The following HERC2 variants were observed in gnomAD, a reference collection of about 807,000 sequenced individuals.
HERC2 encodes the protein E3 ubiquitin-protein ligase HERC2.
Under a neutral mutation model 537.7 loss-of-function variants are expected in HERC2, and 102 were observed. The ratio of observed to expected loss-of-function variants is 0.19; its 90% confidence interval spans 0.16 to 0.22. The LOEUF is 0.22. Among genes scored for constraint, HERC2 ranks in the 10% least tolerant of loss-of-function variants. HERC2 has a pLI of 1.00. For missense variants in HERC2, 4,236 were observed against 6,198.2 expected (o/e 0.68, Z 10.63); for synonymous variants, 2,224 against 2,466.2 (o/e 0.90, Z 2.91).
chr15:28,172,068 C>T (rs1323180728), intron 65 of HERC2, among the ~76,000 whole-genome samples: 1 of 144,826 alleles, frequency 6.9e-6, no homozygotes, highest in Admixed American at 6.9e-5. Flanking sequence ...AGCGAGACTC[C>T]GTCTCAAAAA....
In HERC2 at chr15:28,111,907, G is replaced by A. The variant is rs775998969; in HGVS notation, c.14361C>T (p.Phe4787=). Residue 4787 remains phenylalanine, a synonymous_variant, in exon 93 of 93, where the codon TTC becomes TTT. Coordinates refer to ENST00000261609, the MANE Select transcript of HERC2 (RefSeq NM_004667.6). ...LEEKLKYAIH[F]CKSIDTDDYA... Reference sequence around the variant, plus strand: ...AGTCATCTGTGTCTATGGACTTGCAGAAGTGGATGGCGTACTTGAGCTTCT... The same window carrying A: ...AGTCATCTGTGTCTATGGACTTGCAAAAGTGGATGGCGTACTTGAGCTTCT... 3 of 1,614,222 alleles carry A rather than the reference G, an allele frequency of 1.9e-6. No individual in the cohort carries two copies. The Admixed American group carries it at 5.0e-5, about 27-fold the overall frequency.
At chr15:28,288,722 C>T (rs1449123735) in intron 4 of HERC2, among the ~76,000 whole-genome samples, 3,730 of 147,616 alleles carry the variant, frequency 0.025, 50 homozygotes, top group Admixed American at 0.032. Context: ...GTGGTGCCTG[C>T]CTGTAATCCC....
chr15:28,199,241 T>A (rs1897663228), intron 48 of HERC2, among the ~76,000 whole-genome samples: 1 of 152,208 alleles, frequency 6.6e-6, no homozygotes, highest in African/African-American at 2.4e-5. Context: ...ACTGTCTGGC[T>A]TTGTGTCTCA....
In HERC2 at chr15:28,114,662, G is replaced by A. The variant is rs762537575; in HGVS notation, c.13863C>T (p.His4621=). 1 of 1,614,106 alleles carries A rather than the reference G, an allele frequency of 6.2e-7. No individual in the cohort carries two copies. The highest frequency in any genetic ancestry group is 1.1e-5 in the South Asian group (1 of 91,054). Residue 4621 remains histidine, a synonymous_variant, in exon 90 of 93, where the codon CAC becomes CAT. Coordinates refer to ENST00000261609, the MANE Select transcript of HERC2 (RefSeq NM_004667.6). ...ACTCCGCGCGGTTGTCCAGGGTGAT[G>A]TGTGTGTGCTTGGAGCTCAACTGAA... is the stretch of plus-strand genomic sequence containing the variant. The part of the protein sequence containing the change: ...QDIQLSSKHT[H]ITLDNRAEYV...
At chr15:28,295,320 A>AGGGGGGGGG (rs1328300325) in intron 3 of HERC2, among the ~76,000 whole-genome samples, 1 of 4,470 alleles carries the variant, frequency 2.2e-4, no homozygotes, top group Non-Finnish European at 4.8e-4. Context: ...GGGGGGGGGG[A>AGGGGGGGGG]GTGGGGGGGA....
chr15:28,248,942 A>G lies in HERC2; in HGVS notation c.3051-206T>C, dbSNP rs1345188451. On this transcript the variant is annotated intron_variant, in intron 20 of 92. Coordinates refer to ENST00000261609, the MANE Select transcript of HERC2 (RefSeq NM_004667.6). ...CGGAGCAGAAGGGCACGGAAGGCTC[A>G]AAAGAGATAATGATGCCCTCGTGCT... Among the ~76,000 whole-genome samples, 4 of 152,220 alleles carry G rather than the reference A, an allele frequency of 2.6e-5. No homozygotes were observed. In the East Asian group the frequency reaches 7.7e-4, roughly 29 times the overall value.
In HERC2 at chr15:28,112,018, G is replaced by A; in HGVS notation, c.14250C>T (p.Asn4750=). Residue 4750 remains asparagine (N), a synonymous_variant, in exon 93 of 93, where the codon AAC becomes AAT. Transcript: ENST00000261609. ...ACTCAGGGAGGAAGTGGTCTGGAGG[G>A]TTGTATTTATCCAACACCTGTTGAG... ...DFVIQVLDKY[N]PPDHFLPESY... The A allele has an allele frequency of 5.6e-6, 9 of 1,613,794 alleles. No individual in the cohort carries two copies. Among genetic ancestry groups the A allele is most frequent in the Non-Finnish European group, 5.9e-6 (7 of 1,179,850 alleles).
chr15:28,124,930 A>C, intron 84 of HERC2, 76 bp downstream of exon 84: 1 of 1,394,726 alleles, frequency 7.2e-7, no homozygotes, highest in South Asian at 1.4e-5. Flanking sequence ...CTCTGTAAAC[A>C]CACAACGACA....
chr15:28,241,801 C>G (rs1903153619), intron 23 of HERC2, among the ~76,000 whole-genome samples: 1 of 152,026 alleles, frequency 6.6e-6, no homozygotes, highest in Admixed American at 6.5e-5. Flanking sequence ...ACCTGGGCGA[C>G]AGAGCAAGAC....
rs547660423 is a variant in HERC2 at position 28,318,241 on chromosome 15, G to A, written c.72+3121C>T. On this transcript the variant is annotated intron_variant, in intron 2 of 92. Transcript: ENST00000261609. ...TCACTGTAAAAATAAAAAGTGATGT[G>A]ACTGACACCTCTTAGCTCTGTAACG... Among the ~76,000 whole-genome samples the A allele has an allele frequency of 2.9e-3, 440 of 152,258 alleles. 3 individuals are homozygous for A. Among genetic ancestry groups the A allele is most frequent in the Middle Eastern group, 0.014 (4 of 294 alleles).
intron 88 of HERC2, 44 bp downstream of exon 88, chr15:28,116,621 G>A: frequency 1.3e-6 from 2 of 1,536,570 alleles, no homozygotes; most frequent in Non-Finnish European, 1.8e-6. Flanking sequence ...TCAAGAGCAG[G>A]CACAGGCCAC....
At chr15:28,254,292 A>T in intron 20 of HERC2, 48 bp downstream of exon 20, 1 of 1,384,470 alleles carries the variant, frequency 7.2e-7, no homozygotes, top group Non-Finnish European at 9.8e-7. Flanking sequence ...CACACACAAA[A>T]AAAAGTAAAT....
At chr15:28,127,337 G>A (rs1889610160) in intron 83 of HERC2, among the ~76,000 whole-genome samples, 1 of 152,220 alleles carries the variant, frequency 6.6e-6, no homozygotes, top group Non-Finnish European at 1.5e-5. Flanking sequence ...GCAAGGGGAG[G>A]AGCCACACAG....
intron 19 of HERC2, 122 bp downstream of exon 19, chr15:28,255,750 A>G: frequency 1.8e-6 from 2 of 1,085,810 alleles, no homozygotes; most frequent in Non-Finnish European, 2.6e-6. Context: ...TTTTAATTTA[A>G]AAAATACTTG....
At chr15:28,317,597 T>C (rs1200019259) in intron 2 of HERC2, among the ~76,000 whole-genome samples, 2 of 152,188 alleles carry the variant, frequency 1.3e-5, no homozygotes, top group East Asian at 3.8e-4. Flanking sequence ...AATCTCACAG[T>C]AACAAAATTA....
Position 28,265,486 on chromosome 15 carries a change from A to G in HERC2, c.1870+132T>C. On this transcript the variant is annotated intron_variant, in intron 14 of 92. Transcript: ENST00000261609. The surrounding 1 kb of genome is among the most constrained non-coding windows in gnomAD (Gnocchi z 4.0). Reference sequence around the variant, plus strand: ...CCACCCGGGCCTCTTCCCCAATGCCACTGAGCCCCACACCCACTGGGCGAC... The same window carrying G: ...CCACCCGGGCCTCTTCCCCAATGCCGCTGAGCCCCACACCCACTGGGCGAC... 2.9e-6 allele frequency: 2 copies of G among 691,806 alleles called. No homozygotes were observed. Among genetic ancestry groups the G allele is most frequent in the Non-Finnish European group, 5.0e-6 (2 of 403,198 alleles). The allele number at this position is 691,806 out of a possible 1,614,324, so 42.9% of individuals were successfully genotyped here.
At chr15:28,276,608 G>A (rs2075881150) in intron 5 of HERC2, among the ~76,000 whole-genome samples, 2 of 151,986 alleles carry the variant, frequency 1.3e-5, no homozygotes, top group South Asian at 2.1e-4. Flanking sequence ...GGTGGTGCAT[G>A]CCTATAGTCC....
chr15:28,170,143 G>A (rs963570586), intron 65 of HERC2, among the ~76,000 whole-genome samples: 1 of 152,184 alleles, frequency 6.6e-6, no homozygotes, highest in African/African-American at 2.4e-5. Context: ...TTGATACACA[G>A]ATTTAATGCA....
chr15:28,305,246 G>T (rs1435125834), intron 2 of HERC2, among the ~76,000 whole-genome samples: 2 of 151,546 alleles, frequency 1.3e-5, no homozygotes, highest in Non-Finnish European at 2.9e-5. Flanking sequence ...TGGGATGGCT[G>T]GGTCAAATGG....
Sources: allele counts gnomAD v4.1 joint callset (sites outside exome capture counted in the v4.1 genomes callset), GRCh38; gene constraint gnomAD v4.1.1; non-coding constraint Gnocchi (gnomAD v3.1); transcripts MANE v1.5; gene names NCBI Gene and HGNC (gene_info 2026-07-23, HGNC 2026-07-21).